NPIPB11: variants seen among roughly 807,000 people sequenced by gnomAD.
NPIPB11 encodes nuclear pore complex-interacting protein family member B11.
Under a neutral mutation model 32.8 loss-of-function variants are expected in NPIPB11, and 17 were observed. The observed-to-expected ratio is 0.52, with a 90% CI of 0.35 to 0.78. The LOEUF is 0.78. Ranked by LOEUF, NPIPB11 falls within the 30% of genes least tolerant of loss-of-function variation. The pLI is 0.01. For missense variants in NPIPB11, 537 were observed against 1,000.4 expected (o/e 0.54, Z 6.25); for synonymous variants, 209 against 398.4 (o/e 0.52, Z 5.66).
chr16:29,403,863 A>G, intron 1 of NPIPB11, 23 bp from the exon 2 acceptor site: 1 of 1,539,402 alleles, frequency 6.5e-7, no homozygotes, highest in Non-Finnish European at 8.7e-7. Context: ...TTAAAAAAAA[A>G]GTGTTGAATG....
At chr16:29,389,035 A>C in intron 5 of NPIPB11, among the ~76,000 whole-genome samples, 1 of 150,630 alleles carries the variant, frequency 6.6e-6, no homozygotes, top group East Asian at 2.0e-4. Flanking sequence ...CCTCTACTAA[A>C]AATACAAAAA....
At chr16:29,397,450 A>C in intron 2 of NPIPB11, 1 of 1,067,940 alleles carries the variant, frequency 9.4e-7, no homozygotes, top group Non-Finnish European at 1.3e-6. Flanking sequence ...GACTCAAGTG[A>C]TCTGCCCACC....
At chr16:29,391,604 T>G (rs1319188511) in intron 3 of NPIPB11, among the ~76,000 whole-genome samples, 2 of 151,860 alleles carry the variant, frequency 1.3e-5, no homozygotes, top group African/African-American at 4.8e-5. Flanking sequence ...TTCCATATTA[T>G]CACAGTATGC....
Position 29,389,928 on chromosome 16 carries a change from A to T in NPIPB11, c.545+13T>A, listed in dbSNP as rs751665488. ...GGTTCCTACAACAGTATTTGTGTCA[A>T]GGCACATCTTACTGTTTTCTGGCGG... On this transcript the variant is annotated intron_variant, in intron 5 of 7. Coordinates refer to ENST00000524087, the Ensembl canonical transcript of NPIPB11. 1.6e-4 allele frequency: 262 copies of T among 1,589,242 alleles called. 1 individual carries two copies. The highest frequency in any genetic ancestry group is 2.3e-4 in the Middle Eastern group (1 of 4,436).
chr16:29,399,239 C>A (rs1274403330), intron 2 of NPIPB11, among the ~76,000 whole-genome samples: 1 of 152,060 alleles, frequency 6.6e-6, no homozygotes, highest in Non-Finnish European at 1.5e-5. Flanking sequence ...CAGAGTGTGC[C>A]CAAACTCACT....
chr16:29,401,375 G>A (rs3874767), intron 2 of NPIPB11, among the ~76,000 whole-genome samples: 26 of 152,236 alleles, frequency 1.7e-4, no homozygotes, highest in Non-Finnish European at 3.2e-4. Flanking sequence ...ATGTCACTCA[G>A]TTGATTCTGA....
intron 2 of NPIPB11, among the ~76,000 whole-genome samples, chr16:29,395,589 C>A (rs1406584222): frequency 8.4e-6 from 1 of 119,568 alleles, no homozygotes; most frequent in African/African-American, 3.7e-5. Flanking sequence ...TTATATGAAT[C>A]TTTGTCATTT....
chr16:29,391,605 C>T (rs374148328), intron 3 of NPIPB11, among the ~76,000 whole-genome samples: 1 of 151,794 alleles, frequency 6.6e-6, no homozygotes, highest in East Asian at 1.9e-4. Flanking sequence ...TCCATATTAT[C>T]ACAGTATGCT....
Position 29,402,724 on chromosome 16 carries a change from C to CTCTCTGTGTGTGTGTG in NPIPB11, c.120+958_120+959insCACACACACACAGAGA, listed in dbSNP as rs1449821025. Among the ~76,000 whole-genome samples, 23 of 119,670 alleles carry CTCTCTGTGTGTGTGTG rather than the reference C, an allele frequency of 1.9e-4. 1 individual carries two copies. The East Asian group carries it at 4.0e-3, about 21-fold the overall frequency. The allele number at this position is 119,670 out of a possible 152,430, so 78.5% of individuals were successfully genotyped here. ...TCTCTCTCTCTCTCTCTCTCTCTCT[C>CTCTCTGTGTGTGTGTG]TGTGTGTGTGTGTGTGTGTGTGTGT... is the stretch of plus-strand genomic sequence containing the variant. On this transcript the variant is annotated intron_variant, in intron 2 of 7. Transcript: ENST00000524087.
At chr16:29,389,407 C>T (rs1174937272) in intron 5 of NPIPB11, among the ~76,000 whole-genome samples, 76 of 137,156 alleles carry the variant, frequency 5.5e-4, no homozygotes, top group Middle Eastern at 4.6e-3. Context: ...GCTGTGGTGG[C>T]TCACGCCTCT....
At chr16:29,393,879 A>G in intron 3 of NPIPB11, 69 bp downstream of exon 3, 2 of 1,319,982 alleles carry the variant, frequency 1.5e-6, no homozygotes, top group Non-Finnish European at 2.0e-6. Context: ...CAGAAATGTG[A>G]ATTGTTTTAT....
At chr16:29,404,635 C>A (rs1373214407), upstream of NPIPB11, among the ~76,000 whole-genome samples, 5 of 150,662 alleles carry the variant, frequency 3.3e-5, no homozygotes, top group Non-Finnish European at 7.4e-5. Flanking sequence ...ACCATAGGTC[C>A]AAGACTGGGT....
At chr16:29,390,480 C>G in intron 3 of NPIPB11, 132 bp from the exon 4 acceptor site, 3 of 1,406,274 alleles carry the variant, frequency 2.1e-6, no homozygotes, top group Non-Finnish European at 2.0e-6. Context: ...TGGTGAAACC[C>G]CATCTCTACT....
intron 2 of NPIPB11, among the ~76,000 whole-genome samples, chr16:29,401,082 A>G (rs933356601): frequency 4.6e-5 from 7 of 152,144 alleles, no homozygotes; most frequent in African/African-American, 1.7e-4. Flanking sequence ...AGGCCCCACG[A>G]TGTTTTGGGA....
upstream of NPIPB11, among the ~76,000 whole-genome samples, chr16:29,405,506 C>G (rs1964094652): frequency 6.6e-6 from 1 of 152,112 alleles, no homozygotes; most frequent in African/African-American, 2.4e-5. Context: ...GTCATTCCCA[C>G]ACATTATTAC....
intron 3 of NPIPB11, among the ~76,000 whole-genome samples, chr16:29,393,678 A>G (rs1408966889): frequency 6.6e-6 from 1 of 151,578 alleles, no homozygotes; most frequent in Non-Finnish European, 1.5e-5. Context: ...GAAACCTCAT[A>G]CTCCATTTGT....
At chr16:29,401,866 G>A (rs1963999842) in intron 2 of NPIPB11, among the ~76,000 whole-genome samples, 1 of 151,750 alleles carries the variant, frequency 6.6e-6, no homozygotes, top group Admixed American at 6.6e-5. Context: ...CATGGAGGAT[G>A]TGCAGCATGG....
At chr16:29,382,219 G>C (rs1379061635) in exon 8 of NPIPB11, 2 of 1,566,632 alleles carry the variant, frequency 1.3e-6, no homozygotes, top group Non-Finnish European at 1.7e-6. Flanking sequence ...AGGGGAGTGA[G>C]CTGACGTTTG....
exon 8 of NPIPB11, chr16:29,382,316 T>A: frequency 1.3e-6 from 2 of 1,574,106 alleles, no homozygotes; most frequent in Non-Finnish European, 1.7e-6. Context: ...GTCTTGATAT[T>A]ATCATCTGCT....
Sources: gnomAD v4.1 joint callset for allele counts (sites outside exome capture counted in the v4.1 genomes callset) on GRCh38, gnomAD v4.1.1 for gene constraint, MANE v1.5 for transcripts, NCBI Gene and HGNC (gene_info 2026-07-23, HGNC 2026-07-21) for gene names.